PCSK5: variants seen among roughly 807,000 people sequenced by gnomAD.
PCSK5 encodes the protein proprotein convertase subtilisin/kexin type 5, also known as prohormone convertase 5.
A neutral mutation model predicts 233.2 loss-of-function variants in PCSK5; 129 were observed. That is an observed-to-expected ratio of 0.55 (90% confidence interval 0.48 to 0.64). The LOEUF (loss-of-function observed/expected upper bound fraction) is 0.64. Among genes scored for constraint, PCSK5 ranks in the 30% least tolerant of loss-of-function variants. The pLI, the probability that PCSK5 is intolerant of heterozygous loss-of-function variation, is 0.00. For synonymous variants in PCSK5, 825 were observed against 879.2 expected, an observed-to-expected ratio of 0.94 and a Z score of 1.09; for missense variants, 2,076 against 2,430.1, an observed-to-expected ratio of 0.85 and a Z score of 3.06.
At chr9:76,216,329 A>G (rs1029850949) in intron 20 of PCSK5, among the ~76,000 whole-genome samples, 7 of 152,206 alleles carry the variant, frequency 4.6e-5, no homozygotes, top group African/African-American at 1.7e-4. Context: ...GAATGCATTG[A>G]GTCATACCAC....
intron 20 of PCSK5, among the ~76,000 whole-genome samples, chr9:76,225,834 A>G (rs1290423206): frequency 1.3e-5 from 2 of 152,182 alleles, no homozygotes; most frequent in Non-Finnish European, 2.9e-5. Flanking sequence ...GTCCCTCTAC[A>G]GAGGCAGGCG....
intron 9 of PCSK5, among the ~76,000 whole-genome samples, chr9:76,124,645 C>G (rs2131723876): frequency 6.7e-6 from 1 of 150,318 alleles, no homozygotes; most frequent in South Asian, 2.1e-4. Flanking sequence ...ACTCGGGAGG[C>G]TGAGGCAGGG....
chr9:76,082,995 A>G (rs930009648), intron 7 of PCSK5, among the ~76,000 whole-genome samples: 4 of 151,928 alleles, frequency 2.6e-5, no homozygotes, highest in Admixed American at 6.6e-5. Flanking sequence ...GATCACTTGC[A>G]GTCAAGAGTT....
chr9:76,195,201 A>T (rs13287050), intron 20 of PCSK5: 38,788 of 152,814 alleles, frequency 0.25, 5,500 homozygotes, highest in Middle Eastern at 0.34. Flanking sequence ...AATCCTGGGT[A>T]CAGCATACAG....
chr9:76,040,795 T>G (rs1034153268), intron 5 of PCSK5, among the ~76,000 whole-genome samples: 2 of 152,238 alleles, frequency 1.3e-5, no homozygotes, highest in Middle Eastern at 3.2e-3. Context: ...TTATGAGAAT[T>G]TAGTGTTTAT....
chr9:76,329,645 C>G (rs1043545492), intron 33 of PCSK5, among the ~76,000 whole-genome samples: 1 of 151,874 alleles, frequency 6.6e-6, no homozygotes, highest in African/African-American at 2.4e-5. Context: ...CCAGCCTGAC[C>G]AACATGATGA....
intron 24 of PCSK5, among the ~76,000 whole-genome samples, chr9:76,270,116 C>T (rs1198612318): frequency 2.0e-5 from 3 of 151,834 alleles, no homozygotes; most frequent in Non-Finnish European, 4.4e-5. Context: ...GACTTGTTTA[C>T]ACAAGCCCTA....
chr9:75,913,625 G>C (rs996800632), intron 1 of PCSK5, among the ~76,000 whole-genome samples: 1 of 152,136 alleles, frequency 6.6e-6, no homozygotes, highest in African/African-American at 2.4e-5. Flanking sequence ...GGCTGGATTG[G>C]AATATAGTGT....
chr9:75,962,258 G>A (rs1214378174), intron 2 of PCSK5, among the ~76,000 whole-genome samples: 2 of 152,138 alleles, frequency 1.3e-5, no homozygotes, highest in African/African-American at 4.8e-5. Context: ...GCTCTGAAGG[G>A]TGGATATGTC....
At chr9:76,128,258 T>C (rs1404545780) in intron 9 of PCSK5, among the ~76,000 whole-genome samples, 1 of 152,146 alleles carries the variant, frequency 6.6e-6, no homozygotes, top group East Asian at 1.9e-4. Context: ...GGGGTAAAAA[T>C]GAAGGCCAGA....
chr9:76,301,975 T>C (rs1301453382), intron 27 of PCSK5, among the ~76,000 whole-genome samples, 162 bp from the exon 28 acceptor site: 2 of 119,360 alleles, frequency 1.7e-5, no homozygotes, highest in Non-Finnish European at 1.9e-5. Context: ...CATCTATACA[T>C]AGATGTAATT....
intron 2 of PCSK5, among the ~76,000 whole-genome samples, chr9:75,938,875 G>A (rs919919445): frequency 6.6e-6 from 1 of 152,138 alleles, no homozygotes; most frequent in African/African-American, 2.4e-5. Flanking sequence ...ACATTTGTGG[G>A]TTTGGACCAT....
chr9:75,905,629 A>G (rs1193199190), intron 1 of PCSK5, among the ~76,000 whole-genome samples: 1 of 152,170 alleles, frequency 6.6e-6, no homozygotes, highest in African/African-American at 2.4e-5. Context: ...ATGGACTGAT[A>G]CGGTCCGTGG....
At chr9:76,180,403 C>T (rs1823809618) in intron 15 of PCSK5, among the ~76,000 whole-genome samples, 1 of 152,070 alleles carries the variant, frequency 6.6e-6, no homozygotes, top group Non-Finnish European at 1.5e-5. Flanking sequence ...GATGCTTTTC[C>T]ACATTTTCCA....
chr9:76,018,502 G>C (rs1190936622), intron 3 of PCSK5, among the ~76,000 whole-genome samples: 4 of 151,876 alleles, frequency 2.6e-5, no homozygotes, highest in Non-Finnish European at 4.4e-5. Context: ...CTGCGCATGC[G>C]AGGGATCTAG....
In PCSK5 at chr9:76,359,681, C is replaced by T. The variant is rs1318728872; in HGVS notation, c.*759C>T. The stretch of plus-strand genomic sequence containing the variant: ...ACTGAATTTCCAGGAACTGCACTCT[C>T]ATGATTTTCTGGGTACTTTTCGCCT... On this transcript the variant is annotated 3_prime_UTR_variant, in exon 38 of 38. Transcript: ENST00000674117. 1.3e-5 allele frequency: 2 copies of T among 152,136 alleles called. No individual in the cohort carries two copies. The highest frequency in any genetic ancestry group is 6.5e-5 in the Admixed American group (1 of 15,282). The allele number at this position is 152,136 out of a possible 1,614,324, so 9.4% of individuals were successfully genotyped here. A position where few individuals can be genotyped will look rare whatever the true frequency, so the allele number is the denominator to read the frequency against.
chr9:75,995,180 C>T (rs1826957969), intron 3 of PCSK5, among the ~76,000 whole-genome samples: 1 of 152,184 alleles, frequency 6.6e-6, no homozygotes, highest in South Asian at 2.1e-4. Context: ...ACCATGCACA[C>T]CTCTTTTTGT....
intron 33 of PCSK5, among the ~76,000 whole-genome samples, chr9:76,330,393 A>T (rs1377430209): frequency 6.6e-6 from 1 of 152,188 alleles, no homozygotes; most frequent in Non-Finnish European, 1.5e-5. Context: ...AAGACCAGGA[A>T]GTATGAGCAC....
chr9:76,230,143 G>A (rs551547410), intron 21 of PCSK5, among the ~76,000 whole-genome samples: 2 of 152,146 alleles, frequency 1.3e-5, no homozygotes, highest in Non-Finnish European at 2.9e-5. Flanking sequence ...TTTTCTTCAA[G>A]TTTCTTAGCA....
Sources: allele counts gnomAD v4.1 joint callset (sites outside exome capture counted in the v4.1 genomes callset), GRCh38; gene constraint gnomAD v4.1.1; transcripts MANE v1.5; gene names NCBI Gene and HGNC (gene_info 2026-07-23, HGNC 2026-07-21).